GRIA1: variants seen among roughly 807,000 people sequenced by gnomAD.
The protein encoded by GRIA1 is glutamate ionotropic receptor AMPA type subunit 1.
In GRIA1, 31 loss-of-function variants were observed where a neutral mutation model predicts 99.2. The ratio of observed to expected loss-of-function variants is 0.31; its 90% CI spans 0.23 to 0.42. GRIA1 has a LOEUF of 0.42. Among genes scored for constraint, GRIA1 ranks in the 10% least tolerant of loss-of-function variants. GRIA1 has a pLI of 1.00. For synonymous variants in GRIA1, 438 were observed against 432.4 expected, an observed-to-expected ratio of 1.01 and a Z score of -0.16; for missense variants, 782 against 1,157.5, an observed-to-expected ratio of 0.68 and a Z score of 4.71.
chr5:153,585,819 C>A (rs987409298), intron 2 of GRIA1, among the ~76,000 whole-genome samples: 12 of 152,126 alleles, frequency 7.9e-5, no homozygotes, highest in Non-Finnish European at 1.8e-4. Flanking sequence ...ACCCCATTCT[C>A]ACCCATTAAG....
At chr5:153,627,646 A>G (rs1462237621) in intron 2 of GRIA1, among the ~76,000 whole-genome samples, 2 of 152,178 alleles carry the variant, frequency 1.3e-5, no homozygotes, top group East Asian at 3.9e-4. Flanking sequence ...CTACTGGAGG[A>G]GAGAGGACAG....
intron 11 of GRIA1, among the ~76,000 whole-genome samples, chr5:153,748,257 A>G (rs1180725487): frequency 6.6e-6 from 1 of 152,244 alleles, no homozygotes; most frequent in Non-Finnish European, 1.5e-5. Context: ...AAGAGGTGAC[A>G]TTTGAATTGA....
At chr5:153,660,727 C>T (rs1002962674) in intron 5 of GRIA1, among the ~76,000 whole-genome samples, 3 of 152,162 alleles carry the variant, frequency 2.0e-5, no homozygotes, top group Non-Finnish European at 4.4e-5. Context: ...CTTGTTAGTG[C>T]CGCATTTTCC....
intron 10 of GRIA1, 73 bp downstream of exon 10, chr5:153,699,146 G>T: frequency 9.4e-7 from 1 of 1,065,562 alleles, no homozygotes; most frequent in Non-Finnish European, 1.4e-6. Context: ...TGGTGGTTGG[G>T]TGGCCCTGCC....
At chr5:153,683,974 T>C (rs934466650) in intron 7 of GRIA1, among the ~76,000 whole-genome samples, 3 of 152,154 alleles carry the variant, frequency 2.0e-5, no homozygotes, top group Admixed American at 2.0e-4. Context: ...CATTGCACAT[T>C]TTTGTGTTGT....
intron 2 of GRIA1, among the ~76,000 whole-genome samples, chr5:153,582,103 G>A (rs1763095759): frequency 1.3e-5 from 2 of 152,170 alleles, no homozygotes; most frequent in Admixed American, 6.5e-5. Context: ...TAGCATGGAA[G>A]AATAAAGGTG....
rs551590926 is a variant in GRIA1 at position 153,813,231 on chromosome 5, C to T, written c.*2006C>T. 7 of 152,348 alleles carry T rather than the reference C, an allele frequency of 4.6e-5. No individual in the cohort carries two copies. Among genetic ancestry groups the T allele is most frequent in the South Asian group, 4.1e-4 (2 of 4,822 alleles). The allele number at this position is 152,348 out of a possible 1,614,324, so 9.4% of individuals were successfully genotyped here. A position where few individuals can be genotyped will look rare whatever the true frequency, so the allele number is the denominator to read the frequency against. ...CTACTGCCAGCTGATGTCTCTCAGC[C>T]CCTGCCCTCATACAAGATTTTTCTC... On this transcript the variant is annotated 3_prime_UTR_variant, in exon 16 of 16. Coordinates refer to ENST00000285900, the MANE Select transcript of GRIA1 (RefSeq NM_000827.4).
At chr5:153,700,079 T>A (rs1758405791) in intron 10 of GRIA1, among the ~76,000 whole-genome samples, 1 of 152,054 alleles carries the variant, frequency 6.6e-6, no homozygotes, top group African/African-American at 2.4e-5. Context: ...ACTTGAAAAA[T>A]GACCATATTT....
At chr5:153,725,177 C>T (rs1448359818) in intron 11 of GRIA1, among the ~76,000 whole-genome samples, 1 of 151,816 alleles carries the variant, frequency 6.6e-6, no homozygotes, top group Non-Finnish European at 1.5e-5. Context: ...AAATAAAATA[C>T]TTTACAGACA....
At chr5:153,495,850 C>T (rs766389420) in intron 2 of GRIA1, among the ~76,000 whole-genome samples, 1 of 152,092 alleles carries the variant, frequency 6.6e-6, no homozygotes, top group Non-Finnish European at 1.5e-5. Flanking sequence ...TTGGAAGGGG[C>T]ATTTGGTTGG....
intron 4 of GRIA1, among the ~76,000 whole-genome samples, chr5:153,655,084 C>T (rs1005780946): frequency 1.3e-5 from 2 of 152,192 alleles, no homozygotes; most frequent in African/African-American, 4.8e-5. Context: ...AGTCAGGTCC[C>T]TGTCCTGATA....
rs183301545 is a variant in GRIA1 at position 153,794,522 on chromosome 5, G to C, written c.2271-99G>C. ...CTCAGGTCAAAGGGCAACCTGGCAGGCTGGGTAATGGAGCTGATTCACCGA... is the reference window on the plus strand; with the variant it reads ...CTCAGGTCAAAGGGCAACCTGGCAGCCTGGGTAATGGAGCTGATTCACCGA... On this transcript the variant is annotated intron_variant, in intron 13 of 15. Coordinates refer to ENST00000285900, the MANE Select transcript of GRIA1 (RefSeq NM_000827.4). 455 of 798,730 alleles carry C rather than the reference G, an allele frequency of 5.7e-4. 2 individuals are homozygous for C. The highest frequency in any genetic ancestry group is 1.0e-3 in the Admixed American group (52 of 51,256). The allele number at this position is 798,730 out of a possible 1,614,324, so 49.5% of individuals were successfully genotyped here. A position where few individuals can be genotyped will look rare whatever the true frequency, so the allele number is the denominator to read the frequency against.
chr5:153,541,747 T>G (rs190581809), intron 2 of GRIA1, among the ~76,000 whole-genome samples: 8 of 151,980 alleles, frequency 5.3e-5, no homozygotes, highest in African/African-American at 1.9e-4. Flanking sequence ...CTGGCCAACA[T>G]AGTGAAACCC....
rs779605687 is a variant in GRIA1, at chr5:153,811,223, T to C, written c.2719T>C (p.Ter907GlnextTer52). The stretch of plus-strand genomic sequence containing the variant: ...GATGCCCTTGGGAGCCACGGGATTG[T>C]AACTGGAGCAGATGGAGACCCCTTG... Reference protein sequence around the residue: ...SGMPLGATGL* With the variant: ...SGMPLGATGLQ The change falls in exon 16 of 16, where the codon TAA (stop) becomes CAA (glutamine). Residue 907 changes from the stop codon to glutamine, a stop_lost. Transcript: ENST00000285900. 2.5e-6 allele frequency: 4 copies of C among 1,612,814 alleles called. No homozygotes were observed. The highest frequency in any genetic ancestry group is 2.2e-5 in the East Asian group (1 of 44,846).
chr5:153,547,341 G>C (rs1454211910), intron 2 of GRIA1, among the ~76,000 whole-genome samples: 1 of 152,134 alleles, frequency 6.6e-6, no homozygotes, highest in African/African-American at 2.4e-5. Flanking sequence ...CTAGGCTATA[G>C]AAATGTCTCC....
intron 5 of GRIA1, among the ~76,000 whole-genome samples, chr5:153,669,022 C>T (rs376886691): frequency 9.4e-4 from 143 of 152,306 alleles, no homozygotes; most frequent in African/African-American, 3.4e-3. Context: ...TTCTTGCTTG[C>T]TGTGTGATCT....
chr5:153,660,078 C>A (rs1048946692), intron 5 of GRIA1, among the ~76,000 whole-genome samples: 7 of 152,122 alleles, frequency 4.6e-5, no homozygotes, highest in Non-Finnish European at 1.5e-5. Context: ...GAGGCTGAGA[C>A]ATTACATGAC....
chr5:153,730,892 A>G (rs1760963503), intron 11 of GRIA1, among the ~76,000 whole-genome samples: 1 of 152,100 alleles, frequency 6.6e-6, no homozygotes, highest in African/African-American at 2.4e-5. Flanking sequence ...AAGCCAAGTG[A>G]GCCAAACCCT....
chr5:153,695,333 C>T (rs2149508962), intron 8 of GRIA1, among the ~76,000 whole-genome samples: 1 of 152,328 alleles, frequency 6.6e-6, no homozygotes, highest in East Asian at 1.9e-4. Context: ...TGCTTTTAAA[C>T]ATCTATTTTT....
Sources: allele counts gnomAD v4.1 joint callset (sites outside exome capture counted in the v4.1 genomes callset), GRCh38; gene constraint gnomAD v4.1.1; transcripts MANE v1.5; gene names NCBI Gene and HGNC (gene_info 2026-07-23, HGNC 2026-07-21).